GDAP1: variants seen among roughly 807,000 people sequenced by gnomAD.
GDAP1 encodes the protein ganglioside-induced differentiation-associated protein 1.
In GDAP1, 34 loss-of-function variants were observed where a neutral mutation model predicts 40.1. The ratio of observed to expected loss-of-function variants is 0.85; its 90% CI spans 0.64 to 1.13. The LOEUF is 1.13. Ranked by LOEUF, GDAP1 falls within the 50% of genes most tolerant of loss-of-function variation. The probability of loss-of-function intolerance (pLI) is 0.00; values close to 1 mark genes in which losing one functional copy is unlikely to be tolerated. For synonymous variants in GDAP1, 170 were observed against 157.4 expected, an observed-to-expected ratio of 1.08 and a Z score of -0.60; for missense variants, 374 against 433.7, an observed-to-expected ratio of 0.86 and a Z score of 1.22.
chr8:74,366,468 G>A lies in GDAP1; in HGVS notation c.*2101G>A. The A allele has an allele frequency of 4.4e-6, 2 of 454,458 alleles. No individual in the cohort carries two copies. Among genetic ancestry groups the A allele is most frequent in the South Asian group, 3.1e-5 (2 of 64,466 alleles). The allele number at this position is 454,458 out of a possible 1,614,324, so 28.2% of individuals were successfully genotyped here. A position where few individuals can be genotyped will look rare whatever the true frequency, so the allele number is the denominator to read the frequency against. On this transcript the variant is annotated 3_prime_UTR_variant, in exon 6 of 6. Transcript: ENST00000220822. ...GTGAGTGATTTCCAGTGCTTTGAAAGGGATTACAGTATCACACAATGTCAA... is the reference window on the plus strand; with the variant it reads ...GTGAGTGATTTCCAGTGCTTTGAAAAGGATTACAGTATCACACAATGTCAA...
At chr8:74,375,355 G>T (rs1307681961) in intron 2 of GDAP1, among the ~76,000 whole-genome samples, 2 of 151,854 alleles carry the variant, frequency 1.3e-5, no homozygotes, top group Admixed American at 6.6e-5. Context: ...ACTATTCCTC[G>T]TGACTGTAGA....
intron 5 of GDAP1, 91 bp from the exon 6 acceptor site, chr8:74,363,894 A>T: frequency 2.0e-6 from 2 of 1,003,416 alleles, no homozygotes; most frequent in Non-Finnish European, 3.2e-6. Context: ...CTATACTCAC[A>T]CTCACCCTTA....
At chr8:74,438,810 C>T (rs1806124780) in intron 2 of GDAP1, among the ~76,000 whole-genome samples, 1 of 152,148 alleles carries the variant, frequency 6.6e-6, no homozygotes, top group Admixed American at 6.6e-5. Context: ...CTATGTTGCC[C>T]AGGCTAGTCT....
chr8:74,376,347 C>CTTTT (rs374478811), intron 2 of GDAP1, among the ~76,000 whole-genome samples: 5 of 126,988 alleles, frequency 3.9e-5, no homozygotes, highest in Non-Finnish European at 8.3e-5. Context: ...TTAGAGGGAT[C>CTTTT]TTTTTTTTTT....
intron 2 of GDAP1, among the ~76,000 whole-genome samples, chr8:74,414,165 C>A (rs1304718773): frequency 1.3e-5 from 2 of 150,102 alleles, no homozygotes; most frequent in South Asian, 2.1e-4. Context: ...CAATTGAATG[C>A]CCAAATAAAA....
intron 2 of GDAP1, among the ~76,000 whole-genome samples, chr8:74,429,270 G>C (rs1805996511): frequency 6.6e-6 from 1 of 151,944 alleles, no homozygotes; most frequent in African/African-American, 2.4e-5. Context: ...TCTAGTTCTA[G>C]ATCCCTGAGG....
rs1381343614 is a variant in GDAP1 at position 74,419,449 on chromosome 8, T to G, written c.165+68128T>G. Among the ~76,000 whole-genome samples, 4 of 152,178 alleles carry G rather than the reference T, an allele frequency of 2.6e-5. No individual in the cohort carries two copies. The East Asian group carries it at 7.7e-4, about 29-fold the overall frequency. The stretch of plus-strand genomic sequence containing the variant: ...GTTACATTCCATTTATATTACATTC[T>G]TGGAAAGAAAAAACTGTAGCAATGG... On this transcript the variant is annotated intron_variant, in intron 2 of 2. Transcript: ENST00000523640.
rs1401289711 is a variant in GDAP1, at chr8:74,362,009, A to C, written c.579+31A>C. 2.8e-6 allele frequency: 3 copies of C among 1,055,492 alleles called. No homozygotes were observed. In the African/African-American group the frequency reaches 4.6e-5, roughly 16 times the overall value. 65.4% of individuals were successfully genotyped at this position (1,055,492 alleles called of 1,614,324 possible). A position where few individuals can be genotyped will look rare whatever the true frequency, so the allele number is the denominator to read the frequency against. On this transcript the variant is annotated intron_variant, in intron 4 of 5. Transcript: ENST00000220822. The stretch of plus-strand genomic sequence containing the variant: ...CCAATCAGCTGTCCTCAGTTGACAT[A>C]CACTGCACGGAGTAAATGTTCTACT...
chr8:74,422,350 T>TTTCTTTCC (rs1443248194), intron 2 of GDAP1, among the ~76,000 whole-genome samples: 1 of 47,634 alleles, frequency 2.1e-5, no homozygotes, highest in Non-Finnish European at 4.1e-5. Flanking sequence ...TCTTTCTTTC[T>TTTCTTTCC]TCCCTTCCTT....
At chr8:74,362,908 T>C in intron 4 of GDAP1, 31 bp from the exon 5 acceptor site, 1 of 924,098 alleles carries the variant, frequency 1.1e-6, no homozygotes, top group African/African-American at 1.6e-5. Context: ...GCAAATAATA[T>C]GTTTGGTTTC....
chr8:74,479,858 T>C (rs1038076048), intron 2 of GDAP1, among the ~76,000 whole-genome samples: 4 of 152,176 alleles, frequency 2.6e-5, no homozygotes, highest in African/African-American at 7.2e-5. Context: ...GCAGAGGCTG[T>C]AGGGTTTTTT....
chr8:74,398,760 A>G (rs13277154), intron 2 of GDAP1, among the ~76,000 whole-genome samples: 97,596 of 151,828 alleles, frequency 0.64, 31,967 homozygotes, highest in African/African-American at 0.77. Context: ...TAGCATGAAG[A>G]GTTGTTGAAT....
At position 74,361,942 on chromosome 8, in the gene GDAP1, A is replaced by G. The variant is rs779132911; in HGVS notation, c.543A>G (p.Leu181=). 2.5e-6 allele frequency: 4 copies of G among 1,608,556 alleles called. No individual in the cohort carries two copies. In the African/African-American group the frequency reaches 5.3e-5, roughly 21 times the overall value. ...LKKLAEENPD[L]QEAYIAKQKR... Reference sequence around the variant, plus strand: ...AACTTGCTGAAGAAAACCCAGATTTACAAGAAGCATACATTGCAAAACAGA... The same window carrying G: ...AACTTGCTGAAGAAAACCCAGATTTGCAAGAAGCATACATTGCAAAACAGA... The change falls in exon 4 of 6, where the codon TTA becomes TTG. Residue 181 remains leucine (L), a synonymous_variant. Transcript: ENST00000220822.
At chr8:74,400,407 A>G (rs1466889253) in intron 2 of GDAP1, among the ~76,000 whole-genome samples, 3 of 149,360 alleles carry the variant, frequency 2.0e-5, no homozygotes, top group Non-Finnish European at 4.4e-5. Context: ...TTTGCTTGGT[A>G]GATCTTCCTC....
intron 2 of GDAP1, among the ~76,000 whole-genome samples, chr8:74,395,159 AT>A (rs1810174249): frequency 6.6e-6 from 1 of 152,170 alleles, no homozygotes; most frequent in Non-Finnish European, 1.5e-5. Flanking sequence ...TGTTCACCTT[AT>A]TTTATAGAAG....
At chr8:74,470,100 T>C (rs1806529052) in intron 2 of GDAP1, among the ~76,000 whole-genome samples, 1 of 152,190 alleles carries the variant, frequency 6.6e-6, no homozygotes, top group South Asian at 2.1e-4. Flanking sequence ...TTACTCTGTT[T>C]AGGTTTTTTT....
chr8:74,366,074 AGTT>A lies in GDAP1; in HGVS notation c.*1711_*1713del, dbSNP rs1809619842. On this transcript the variant is annotated 3_prime_UTR_variant, in exon 6 of 6. Coordinates refer to ENST00000220822, the MANE Select transcript of GDAP1 (RefSeq NM_018972.4). ...TCTGAAGGATATTTACCTATGAAAA[AGTT>A]GTTAAGAATAAAAATTAGAAGTCCA... is the stretch of plus-strand genomic sequence containing the variant. 2.3e-6 allele frequency: 1 copy of A among 439,030 alleles called. No individual in the cohort carries two copies. The highest frequency in any genetic ancestry group is 2.6e-5 in the Admixed American group (1 of 38,824). 27.2% of individuals were successfully genotyped at this position (439,030 alleles called of 1,614,324 possible).
intron 2 of GDAP1, among the ~76,000 whole-genome samples, chr8:74,453,527 T>C (rs1806307008): frequency 1.2e-5 from 1 of 84,268 alleles, no homozygotes; most frequent in Non-Finnish European, 2.4e-5. Context: ...TGCAAATATT[T>C]GGTTTCTTAA....
Position 74,365,629 on chromosome 8 carries a change from C to T in GDAP1, c.*1262C>T, listed in dbSNP as rs1809592461. On this transcript the variant is annotated 3_prime_UTR_variant, in exon 6 of 6. Transcript: ENST00000220822. ...CGAGGTCCCAGTGAACAACAGTAGCCAAAGAATGTACTAACTTTATCATTA... is the reference window on the plus strand; with the variant it reads ...CGAGGTCCCAGTGAACAACAGTAGCTAAAGAATGTACTAACTTTATCATTA... The T allele has an allele frequency of 2.2e-6, 1 of 454,150 alleles. No homozygotes were observed. 28.1% of individuals were successfully genotyped at this position (454,150 alleles called of 1,614,324 possible).
Sources: gnomAD v4.1 joint callset for allele counts (sites outside exome capture counted in the v4.1 genomes callset) on GRCh38, gnomAD v4.1.1 for gene constraint, MANE v1.5 for transcripts, NCBI Gene and HGNC (gene_info 2026-07-23, HGNC 2026-07-21) for gene names.